The following TBC1D12 variants were observed in gnomAD, a reference collection of about 807,000 sequenced individuals.
The protein encoded by TBC1D12 is TBC1 domain family, member 12.
A neutral mutation model predicts 86.7 loss-of-function variants in TBC1D12; 56 were observed. That is an observed-to-expected ratio of 0.65 (90% CI 0.52 to 0.81). TBC1D12 has a LOEUF of 0.81. TBC1D12 is among the 30% of genes least tolerant of loss of function. The pLI is 0.00. For missense variants in TBC1D12, 1,023 were observed against 1,038.8 expected (o/e 0.98, Z 0.21); for synonymous variants, 421 against 411.7 (o/e 1.02, Z -0.27).
chr10:94,522,540 T>C (rs916677702), intron 11 of TBC1D12, 87 bp downstream of exon 11: 4 of 595,166 alleles, frequency 6.7e-6, no homozygotes, highest in East Asian at 7.0e-5. Flanking sequence ...GTAAATCTCA[T>C]GTGCAGGATT....
intron 2 of TBC1D12, among the ~76,000 whole-genome samples, chr10:94,473,709 G>T (rs2134144343): frequency 6.6e-6 from 1 of 152,208 alleles, no homozygotes; most frequent in South Asian, 2.1e-4. Context: ...TGATTTTTTA[G>T]AAAGGAAAAA....
intron 2 of TBC1D12, among the ~76,000 whole-genome samples, chr10:94,473,092 C>T (rs1165981315): frequency 6.6e-6 from 1 of 151,980 alleles, no homozygotes; most frequent in African/African-American, 2.4e-5. Context: ...CGGTGGCTCA[C>T]GCCTGTAATC....
At chr10:94,499,876 G>A (rs1428800117) in intron 5 of TBC1D12, among the ~76,000 whole-genome samples, 1 of 152,160 alleles carries the variant, frequency 6.6e-6, no homozygotes, top group African/African-American at 2.4e-5. Flanking sequence ...TCCCACTGTA[G>A]ATTCTTGGTT....
At chr10:94,454,920 G>A (rs577785593) in intron 2 of TBC1D12, among the ~76,000 whole-genome samples, 2 of 152,296 alleles carry the variant, frequency 1.3e-5, no homozygotes, top group South Asian at 4.1e-4. Context: ...ACAATGTTGA[G>A]AAGCAGTGGT....
chr10:94,474,774 A>T lies in TBC1D12; in HGVS notation c.1202A>T (p.Asp401Val), dbSNP rs1198871980. The change falls in exon 3 of 13, where the codon GAT becomes GTT. Residue 401 changes from aspartate to valine, a missense_variant. By Grantham distance (152) the Asp-to-Val change is radical (BLOSUM62 -3). Coordinates refer to ENST00000225235, the MANE Select transcript of TBC1D12 (RefSeq NM_015188.2). ...PLSTTALILEDRPSNLPAKSV... is the reference protein window; with the variant it reads ...PLSTTALILEVRPSNLPAKSV... ...TCTACCACTGCCTTGATTCTTGAGG[A>T]TCGACCATCGTAAGTATTTTAGTGA... is the stretch of plus-strand genomic sequence containing the variant. 2 of 1,613,510 alleles carry T rather than the reference A, an allele frequency of 1.2e-6. No homozygotes were observed. Among genetic ancestry groups the T allele is most frequent in the Non-Finnish European group, 1.7e-6 (2 of 1,179,586 alleles).
chr10:94,442,063 C>T (rs12246393), intron 2 of TBC1D12, 44 bp downstream of exon 2: 230,855 of 1,508,410 alleles, frequency 0.15, 18,694 homozygotes, highest in Middle Eastern at 0.22. Context: ...GCTTTTCAAG[C>T]ATTCTTCTTC....
At chr10:94,491,229 G>A (rs928170538) in intron 3 of TBC1D12, among the ~76,000 whole-genome samples, 1 of 152,054 alleles carries the variant, frequency 6.6e-6, no homozygotes, top group East Asian at 1.9e-4. Flanking sequence ...TTCCATTATG[G>A]CCTGAAGCAG....
chr10:94,522,672 G>C (rs1194068646), intron 11 of TBC1D12, among the ~76,000 whole-genome samples: 2 of 152,056 alleles, frequency 1.3e-5, no homozygotes, highest in Admixed American at 1.3e-4. Flanking sequence ...CGAGCACTTT[G>C]GGAGGCCGAG....
At chr10:94,418,478 T>C (rs78415565) in intron 1 of TBC1D12, among the ~76,000 whole-genome samples, 5,649 of 152,284 alleles carry the variant, frequency 0.037, 145 homozygotes, top group Middle Eastern at 0.15. Context: ...GGTTTTCTTA[T>C]CAGCCTAACA....
At chr10:94,437,852 C>G (rs1270876879) in intron 1 of TBC1D12, among the ~76,000 whole-genome samples, 2 of 151,848 alleles carry the variant, frequency 1.3e-5, no homozygotes, top group African/African-American at 4.8e-5. Flanking sequence ...TTTTTCAGCT[C>G]CAGAATTTGT....
chr10:94,516,866 T>C (rs1185409370), intron 9 of TBC1D12, among the ~76,000 whole-genome samples: 1 of 152,042 alleles, frequency 6.6e-6, no homozygotes, highest in Non-Finnish European at 1.5e-5. Flanking sequence ...TTATTGAGAC[T>C]AGTCAAAATA....
intron 1 of TBC1D12, among the ~76,000 whole-genome samples, chr10:94,419,521 A>T (rs905283434): frequency 6.6e-6 from 1 of 152,040 alleles, no homozygotes; most frequent in Non-Finnish European, 1.5e-5. Flanking sequence ...AAAAATAGAA[A>T]AATTAGCTGG....
chr10:94,454,039 C>T (rs1009396856), intron 2 of TBC1D12, among the ~76,000 whole-genome samples: 1 of 152,154 alleles, frequency 6.6e-6, no homozygotes, highest in Admixed American at 6.5e-5. Context: ...GTCTTGAATT[C>T]GAGTAGTGTC....
At chr10:94,420,363 T>C (rs1401439638) in intron 1 of TBC1D12, among the ~76,000 whole-genome samples, 2 of 152,210 alleles carry the variant, frequency 1.3e-5, no homozygotes, top group African/African-American at 4.8e-5. Context: ...ACCAAGTCGA[T>C]GATATTTTGT....
In TBC1D12 at chr10:94,434,515, AAAAAAG is replaced by A. The variant is rs2055268384; in HGVS notation, c.972-7370_972-7365del. Among the ~76,000 whole-genome samples, 4 of 151,978 alleles carry A rather than the reference AAAAAAG, an allele frequency of 2.6e-5. No individual in the cohort carries two copies. The South Asian group carries it at 8.3e-4, about 32-fold the overall frequency. On this transcript the variant is annotated intron_variant, in intron 1 of 12. Transcript: ENST00000225235. ...AGCAAGACTCCATTTAAAAAAAAAA[AAAAAAG>A]AAAAAGAAAATCTTTTAACCATTTT...
At chr10:94,432,575 C>T (rs1227136706) in intron 1 of TBC1D12, among the ~76,000 whole-genome samples, 1 of 152,128 alleles carries the variant, frequency 6.6e-6, no homozygotes, top group Non-Finnish European at 1.5e-5. Flanking sequence ...ATCTGATGGC[C>T]TTTCTTAGCA....
chr10:94,474,244 T>C (rs1215048877), intron 2 of TBC1D12, among the ~76,000 whole-genome samples: 1 of 152,200 alleles, frequency 6.6e-6, no homozygotes, highest in African/African-American at 2.4e-5. Context: ...TTCCTAAAAC[T>C]TTAATTAATC....
intron 2 of TBC1D12, among the ~76,000 whole-genome samples, chr10:94,461,609 A>AT (rs1455628089): frequency 5.3e-5 from 8 of 151,736 alleles, no homozygotes; most frequent in Non-Finnish European, 7.4e-5. Context: ...TTAATTTTTA[A>AT]TTTTTTTTCC....
chr10:94,526,569 T>A (rs1842294648), intron 11 of TBC1D12, among the ~76,000 whole-genome samples: 1 of 152,218 alleles, frequency 6.6e-6, no homozygotes, highest in South Asian at 2.1e-4. Flanking sequence ...AGGATTTCAT[T>A]CTTTTTTGTG....
Sources: gnomAD v4.1 joint callset for allele counts (sites outside exome capture counted in the v4.1 genomes callset) on GRCh38, gnomAD v4.1.1 for gene constraint, MANE v1.5 for transcripts, NCBI Gene and HGNC (gene_info 2026-07-23, HGNC 2026-07-21) for gene names.